ANGPT1: variants seen among roughly 807,000 people sequenced by gnomAD.
The protein encoded by ANGPT1 is angiopoietin-1.
Under a neutral mutation model 62.2 loss-of-function variants are expected in ANGPT1, and 17 were observed. The observed-to-expected ratio is 0.27, with a 90% CI of 0.19 to 0.41. The LOEUF (loss-of-function observed/expected upper bound fraction) is 0.41, where lower values mean the gene tolerates loss of function less well. ANGPT1 is among the 10% of genes least tolerant of loss of function. ANGPT1 has a pLI of 1.00. For synonymous variants in ANGPT1, 199 were observed against 198.9 expected (o/e 1.00, Z 0.00); for missense variants, 478 against 594.9 (o/e 0.80, Z 2.04).
intron 1 of ANGPT1, among the ~76,000 whole-genome samples, chr8:107,455,471 T>C (rs112660553): frequency 2.0e-5 from 3 of 152,142 alleles, no homozygotes; most frequent in Admixed American, 6.6e-5. Context: ...TTATGTTTAA[T>C]AACTATCACT....
chr8:107,335,077 T>C (rs1815528461), intron 3 of ANGPT1, among the ~76,000 whole-genome samples: 1 of 152,192 alleles, frequency 6.6e-6, no homozygotes, highest in Non-Finnish European at 1.5e-5. Context: ...GGGAAATTCT[T>C]TTAGTTTGTA....
chr8:107,336,455 A>C, intron 2 of ANGPT1, 184 bp from the exon 3 acceptor site: 1 of 855,098 alleles, frequency 1.2e-6, no homozygotes, highest in Non-Finnish European at 1.5e-6. Context: ...CACGAGGTCA[A>C]GAGATCGAGA....
chr8:107,328,075 CTA>C, intron 3 of ANGPT1, among the ~76,000 whole-genome samples: 1 of 152,154 alleles, frequency 6.6e-6, no homozygotes, highest in Middle Eastern at 3.4e-3. Flanking sequence ...TGCCTAAGCT[CTA>C]TGAGTATAAA....
intron 1 of ANGPT1, among the ~76,000 whole-genome samples, chr8:107,473,211 T>C (rs1410250846): frequency 6.6e-6 from 1 of 152,128 alleles, no homozygotes; most frequent in Non-Finnish European, 1.5e-5. Flanking sequence ...ACATGGAATT[T>C]CTGTTTTCAC....
chr8:107,322,042 C>G lies in ANGPT1; in HGVS notation c.662G>C (p.Gly221Ala), dbSNP rs1197550846. The change falls in exon 4 of 9, where the codon GGC (glycine) becomes GCC (alanine). Residue 221 changes from glycine to alanine, a missense_variant. Physicochemically the swap from Gly to Ala is moderately conservative, Grantham distance 60. Around this residue, in one of 4 missense-constraint regions of ANGPT1, gnomAD observed 343 missense variants for 355.4 expected, o/e 0.97. Transcript: ENST00000517746. The stretch of plus-strand genomic sequence containing the variant: ...TATATATGTTTGACGAGTAACCAAG[C>G]CTTGAAGGTTCTCTTTCTCTTCCTT... ...TLKEEKENLQ[G>A]LVTRQTYIIQ... 1 of 1,613,888 alleles carries G rather than the reference C, an allele frequency of 6.2e-7. No individual in the cohort carries two copies. Among genetic ancestry groups the G allele is most frequent in the South Asian group, 1.1e-5 (1 of 91,080 alleles).
intron 1 of ANGPT1, among the ~76,000 whole-genome samples, chr8:107,423,055 T>C (rs1305862578): frequency 6.6e-6 from 1 of 152,178 alleles, no homozygotes; most frequent in African/African-American, 2.4e-5. Flanking sequence ...AAAGTGCTGA[T>C]GTGCTGGAGT....
intron 6 of ANGPT1, among the ~76,000 whole-genome samples, chr8:107,292,175 A>G (rs1814294214): frequency 6.6e-6 from 1 of 152,088 alleles, no homozygotes; most frequent in African/African-American, 2.4e-5. Flanking sequence ...ACCTCCATCC[A>G]GTTAACTAAA....
intron 1 of ANGPT1, among the ~76,000 whole-genome samples, chr8:107,442,016 G>C (rs1811492394): frequency 6.6e-6 from 1 of 152,048 alleles, no homozygotes; most frequent in Non-Finnish European, 1.5e-5. Context: ...CTCGGGAGGT[G>C]GAGGTTGCAG....
chr8:107,394,705 A>G (rs1816901441), intron 1 of ANGPT1, among the ~76,000 whole-genome samples: 1 of 152,048 alleles, frequency 6.6e-6, no homozygotes, highest in South Asian at 2.1e-4. Flanking sequence ...GAATAAATCT[A>G]TGTGATTTTT....
chr8:107,406,029 A>G (rs1016953128), intron 1 of ANGPT1, among the ~76,000 whole-genome samples: 6 of 151,916 alleles, frequency 3.9e-5, no homozygotes, highest in African/African-American at 7.2e-5. Flanking sequence ...GAGAGTGTTC[A>G]TACTTCTATG....
At chr8:107,466,121 G>A (rs1321093270) in intron 1 of ANGPT1, among the ~76,000 whole-genome samples, 1 of 152,082 alleles carries the variant, frequency 6.6e-6, no homozygotes, top group Non-Finnish European at 1.5e-5. Context: ...GGAAGAAGAT[G>A]AAATAAAAGA....
intron 8 of ANGPT1, among the ~76,000 whole-genome samples, chr8:107,259,537 A>G (rs1297146939): frequency 6.6e-6 from 1 of 152,134 alleles, no homozygotes; most frequent in Admixed American, 6.6e-5. Flanking sequence ...AAAAGAAATG[A>G]GAGTTTCTAC....
rs180981628 is a variant in ANGPT1, at chr8:107,420,393, A to T, written c.298-73296T>A. On this transcript the variant is annotated intron_variant, in intron 1 of 8. Transcript: ENST00000517746. ...CAAAGCCTATCAGTTCTTAGGAAAA[A>T]AACAACAAAAAAATTGCTGTTTGCT... Among the ~76,000 whole-genome samples the T allele has an allele frequency of 2.4e-3, 359 of 152,270 alleles. 2 individuals are homozygous for T. The highest frequency in any genetic ancestry group is 8.3e-3 in the African/African-American group (344 of 41,554).
intron 4 of ANGPT1, among the ~76,000 whole-genome samples, chr8:107,306,532 G>A (rs1035035981): frequency 6.6e-6 from 1 of 152,012 alleles, no homozygotes; most frequent in Non-Finnish European, 1.5e-5. Context: ...TCTTTGTTAA[G>A]TACTGCAGAG....
chr8:107,364,997 T>C, intron 1 of ANGPT1, among the ~76,000 whole-genome samples: 1 of 152,086 alleles, frequency 6.6e-6, no homozygotes, highest in Non-Finnish European at 1.5e-5. Flanking sequence ...CTAAACATTA[T>C]AGTTAACACA....
chr8:107,293,990 T>C lies in ANGPT1; in HGVS notation c.984A>G (p.Gln328=), dbSNP rs767437848. The change falls in exon 6 of 9, where the codon CAA becomes CAG. Residue 328 remains glutamine (Q), a synonymous_variant. Coordinates refer to ENST00000517746, the MANE Select transcript of ANGPT1 (RefSeq NM_001146.5). ...AATCTAGACTTCCATCTTCACGATGTTGTATTACAGTCCAACCTCCCCCAT... is the reference window on the plus strand; with the variant it reads ...AATCTAGACTTCCATCTTCACGATGCTGTATTACAGTCCAACCTCCCCCAT... ...DVNGGGWTVI[Q]HREDGSLDFQ... The C allele has an allele frequency of 3.7e-6, 6 of 1,613,654 alleles. No individual in the cohort carries two copies. Among genetic ancestry groups the C allele is most frequent in the South Asian group, 1.1e-5 (1 of 91,028 alleles).
At chr8:107,494,690 C>T (rs1255804163) in intron 1 of ANGPT1, 1 of 152,146 alleles carries the variant, frequency 6.6e-6, no homozygotes, top group African/African-American at 2.4e-5. Flanking sequence ...CCCTTGCATG[C>T]CTTGCTTCTC....
At chr8:107,454,641 C>G (rs150675835) in intron 1 of ANGPT1, among the ~76,000 whole-genome samples, 10 of 152,012 alleles carry the variant, frequency 6.6e-5, no homozygotes, top group Non-Finnish European at 1.3e-4. Flanking sequence ...CCCGCTAATG[C>G]GCTGAGATGT....
At chr8:107,489,964 G>A (rs1301227395) in intron 1 of ANGPT1, among the ~76,000 whole-genome samples, 1 of 150,426 alleles carries the variant, frequency 6.6e-6, no homozygotes, top group African/African-American at 2.4e-5. Flanking sequence ...GAAAAGAAAA[G>A]AACACAAGGC....
Sources: gnomAD v4.1 joint callset for allele counts (sites outside exome capture counted in the v4.1 genomes callset) on GRCh38, gnomAD v4.1.1 for gene constraint, gnomAD v4.1.1 regional missense constraint, MANE v1.5 for transcripts, NCBI Gene and HGNC (gene_info 2026-07-23, HGNC 2026-07-21) for gene names.